SUFU: variants seen among roughly 807,000 people sequenced by gnomAD.
The protein encoded by SUFU is suppressor of fused homolog.
A neutral mutation model predicts 58.9 loss-of-function variants in SUFU; 7 were observed. The observed-to-expected ratio is 0.12, with a 90% CI of 0.07 to 0.22. The LOEUF (loss-of-function observed/expected upper bound fraction) is 0.22. Ranked by LOEUF, SUFU falls within the 10% of genes least tolerant of loss-of-function variation. SUFU has a pLI of 1.00. For missense variants in SUFU, 451 were observed against 641.3 expected (o/e 0.70, Z 3.20); for synonymous variants, 232 against 254.8 (o/e 0.91, Z 0.85).
intron 3 of SUFU, among the ~76,000 whole-genome samples, chr10:102,551,946 C>G (rs1164903744): frequency 6.6e-6 from 1 of 151,564 alleles, no homozygotes; most frequent in Non-Finnish European, 1.5e-5. Flanking sequence ...AGGACGGTCT[C>G]GATCTCCTGA....
At chr10:102,596,067 C>G (rs1369628759) in intron 6 of SUFU, among the ~76,000 whole-genome samples, 8 of 152,114 alleles carry the variant, frequency 5.3e-5, no homozygotes, top group Non-Finnish European at 7.4e-5. Flanking sequence ...TCTTCCTGCT[C>G]GGAACCCACA....
At chr10:102,505,701 G>A (rs1449927866) in intron 1 of SUFU, among the ~76,000 whole-genome samples, 1 of 152,212 alleles carries the variant, frequency 6.6e-6, no homozygotes, top group African/African-American at 2.4e-5. Flanking sequence ...GGATTGTAGG[G>A]AACAGCCTCC....
rs566865943 is a variant in SUFU at position 102,534,144 on chromosome 10, C to G, written c.318-15826C>G. On this transcript the variant is annotated intron_variant, in intron 2 of 11. Coordinates refer to ENST00000369902, the MANE Select transcript of SUFU (RefSeq NM_016169.4). ...ACTGAGTCCTGGAGAAAGTGGAACT[C>G]TGGGCCAGGCGCGGTGGCTCACGCC... 1.2e-4 allele frequency among the ~76,000 whole-genome samples: 18 copies of G among 152,082 alleles called. No homozygotes were observed. The South Asian group carries it at 1.7e-3, about 14-fold the overall frequency.
intron 3 of SUFU, among the ~76,000 whole-genome samples, chr10:102,563,709 A>G (rs1405117485): frequency 6.6e-6 from 1 of 152,144 alleles, no homozygotes; most frequent in Non-Finnish European, 1.5e-5. Flanking sequence ...AAACAAAAAA[A>G]GAAAAGAAAA....
rs1286815454 is a variant in SUFU, at chr10:102,601,864, G to A, written c.1022+2320G>A. 6.6e-5 allele frequency among the ~76,000 whole-genome samples: 10 copies of A among 152,326 alleles called. No individual in the cohort carries two copies. The South Asian group carries it at 8.3e-4, about 13-fold the overall frequency. Reference sequence around the variant, plus strand: ...CTCTCCCTGTTGGGGGGCAGCCAGCGTGGGCCATATTTTGTCTGCGGGTCT... The same window carrying A: ...CTCTCCCTGTTGGGGGGCAGCCAGCATGGGCCATATTTTGTCTGCGGGTCT... On this transcript the variant is annotated intron_variant, in intron 8 of 11. Coordinates refer to ENST00000369902, the MANE Select transcript of SUFU (RefSeq NM_016169.4).
At position 102,632,785 on chromosome 10, in the gene SUFU, GC is replaced by G. The variant is rs773873509; in HGVS notation, c.*2632del. The stretch of plus-strand genomic sequence containing the variant: ...CCTGGTGCTAGAGCTTCTGAGAAGG[GC>G]CTTTCCCTTTCCTCTTTGCCTGCTA... On this transcript the variant is annotated 3_prime_UTR_variant, in exon 12 of 12. Transcript: ENST00000369902. 8.6e-6 allele frequency: 2 copies of G among 233,308 alleles called. No homozygotes were observed. Among genetic ancestry groups the G allele is most frequent in the Non-Finnish European group, 1.7e-5 (2 of 118,170 alleles). The allele number at this position is 233,308 out of a possible 1,614,324, so 14.5% of individuals were successfully genotyped here. A position where few individuals can be genotyped will look rare whatever the true frequency, so the allele number is the denominator to read the frequency against.
intron 3 of SUFU, among the ~76,000 whole-genome samples, chr10:102,567,164 A>G (rs1216492455): frequency 1.3e-5 from 2 of 150,796 alleles, no homozygotes; most frequent in Non-Finnish European, 3.0e-5. Flanking sequence ...GGTGCCCACC[A>G]CCATGCCCTG....
chr10:102,531,119 G>C, intron 2 of SUFU, among the ~76,000 whole-genome samples: 1 of 150,970 alleles, frequency 6.6e-6, no homozygotes, highest in African/African-American at 2.4e-5. Flanking sequence ...ATCAGGTGTA[G>C]TGGTGCACAC....
intron 8 of SUFU, among the ~76,000 whole-genome samples, chr10:102,614,172 G>T (rs927562520): frequency 1.3e-5 from 2 of 152,198 alleles, no homozygotes; most frequent in Non-Finnish European, 2.9e-5. Flanking sequence ...CAGAGCTAGG[G>T]CTCAGAGGCT....
intron 8 of SUFU, among the ~76,000 whole-genome samples, chr10:102,614,401 C>A: frequency 6.7e-6 from 1 of 150,096 alleles, no homozygotes; most frequent in South Asian, 2.1e-4. Flanking sequence ...ACTAAAAATA[C>A]AAAAAAATTA....
At position 102,633,120 on chromosome 10, in the gene SUFU, C is replaced by A; in HGVS notation, c.*2965C>A. 1 of 233,404 alleles carries A rather than the reference C, an allele frequency of 4.3e-6. No individual in the cohort carries two copies. Among genetic ancestry groups the A allele is most frequent in the Non-Finnish European group, 8.5e-6 (1 of 118,024 alleles). 14.5% of individuals were successfully genotyped at this position (233,404 alleles called of 1,614,324 possible). On this transcript the variant is annotated 3_prime_UTR_variant, in exon 12 of 12. Transcript: ENST00000369902. ...CCTGAAGGTCGGTGCCCCTATGGGG[C>A]TGACCAGTAGAGAATTTCCTTTACT...
intron 2 of SUFU, 150 bp from the exon 3 acceptor site, chr10:102,549,820 T>A: frequency 1.0e-6 from 1 of 990,542 alleles, no homozygotes; most frequent in Non-Finnish European, 1.5e-6. Flanking sequence ...TCAGGTTCCC[T>A]CCCCACAAGG....
At chr10:102,514,785 GT>G (rs950572998) in intron 2 of SUFU, among the ~76,000 whole-genome samples, 1 of 152,200 alleles carries the variant, frequency 6.6e-6, no homozygotes, top group Non-Finnish European at 1.5e-5. Context: ...ATTTCTGGCT[GT>G]CCCTGGTACC....
intron 3 of SUFU, among the ~76,000 whole-genome samples, chr10:102,561,063 G>A (rs1029028034): frequency 6.6e-6 from 1 of 152,078 alleles, no homozygotes; most frequent in Non-Finnish European, 1.5e-5. Context: ...GGCTGATCTC[G>A]AACTCCTGAC....
At chr10:102,589,954 A>C (rs1321629471) in intron 3 of SUFU, among the ~76,000 whole-genome samples, 1 of 151,240 alleles carries the variant, frequency 6.6e-6, no homozygotes, top group Non-Finnish European at 1.5e-5. Flanking sequence ...CATCTATTCC[A>C]AATCTGAGTT....
chr10:102,529,385 G>C (rs1014728505), intron 2 of SUFU, among the ~76,000 whole-genome samples: 1 of 152,200 alleles, frequency 6.6e-6, no homozygotes, highest in Non-Finnish European at 1.5e-5. Context: ...GGCTGATTAA[G>C]ATCCAGAGCC....
Position 102,617,370 on chromosome 10 carries a change from T to C in SUFU, c.1238T>C (p.Val413Ala). 6.2e-7 allele frequency: 1 copy of C among 1,614,084 alleles called. No individual in the cohort carries two copies. Among genetic ancestry groups the C allele is most frequent in the Non-Finnish European group, 8.5e-7 (1 of 1,180,018 alleles). The change falls in exon 10 of 12, where the codon GTG becomes GCG. Residue 413 changes from valine to alanine, a missense_variant. Coordinates refer to ENST00000369902, the MANE Select transcript of SUFU (RefSeq NM_016169.4). The surrounding 1 kb of genome is among the most constrained non-coding windows in gnomAD (Gnocchi z 4.4). ...DMAITFVSTG[V>A]EGAFATEEHP... ...GCCATCACGTTTGTCTCCACGGGAG[T>C]GGAAGGCGCCTTTGCCACTGAGGAG...
Position 102,627,076 on chromosome 10 carries a change from C to G in SUFU, c.1297-99C>G. The G allele has an allele frequency of 3.0e-6, 4 of 1,324,606 alleles. No individual in the cohort carries two copies. In the South Asian group the frequency reaches 3.6e-5, roughly 12 times the overall value. The allele number at this position is 1,324,606 out of a possible 1,614,324, so 82.1% of individuals were successfully genotyped here. A position where few individuals can be genotyped will look rare whatever the true frequency, so the allele number is the denominator to read the frequency against. On this transcript the variant is annotated intron_variant, in intron 10 of 11. Transcript: ENST00000369902. Reference sequence around the variant, plus strand: ...CTTGAACAGATCACAGTGAGCTCATCTCTCCTCCATGGTCAGAAGAGAGGT... The same window carrying G: ...CTTGAACAGATCACAGTGAGCTCATGTCTCCTCCATGGTCAGAAGAGAGGT...
intron 3 of SUFU, chr10:102,579,893 C>G (rs971187087): frequency 2.2e-5 from 22 of 983,640 alleles, no homozygotes; most frequent in Non-Finnish European, 2.5e-5. Context: ...TTGCTTCTAC[C>G]ACATGACCAA....
Sources: gnomAD v4.1 joint callset for allele counts (sites outside exome capture counted in the v4.1 genomes callset) on GRCh38, gnomAD v4.1.1 for gene constraint, Gnocchi (gnomAD v3.1) non-coding constraint, MANE v1.5 for transcripts, NCBI Gene and HGNC (gene_info 2026-07-23, HGNC 2026-07-21) for gene names.